NSD3: variants seen among roughly 807,000 people sequenced by gnomAD.
NSD3 encodes nuclear receptor binding SET domain protein 3.
In NSD3, 24 loss-of-function variants were observed where a neutral mutation model predicts 160.8. The ratio of observed to expected loss-of-function variants is 0.15; its 90% CI spans 0.11 to 0.21. NSD3 has a LOEUF of 0.21. Ranked by LOEUF, NSD3 falls within the 10% of genes least tolerant of loss-of-function variation. The pLI, the probability that NSD3 is intolerant of heterozygous loss-of-function variation, is 1.00. For synonymous variants in NSD3, 520 were observed against 600.0 expected (o/e 0.87, Z 1.95); for missense variants, 1,157 against 1,735.9 (o/e 0.67, Z 5.93).
chr8:38,375,834 CAG>C (rs1157257957), intron 1 of NSD3, among the ~76,000 whole-genome samples: 3 of 151,738 alleles, frequency 2.0e-5, no homozygotes, highest in East Asian at 1.9e-4. Flanking sequence ...AAACTAAAAA[CAG>C]AATTGCATTG....
In NSD3 at chr8:38,341,815, G is replaced by A. The variant is rs572700123; in HGVS notation, c.676-3208C>T. On this transcript the variant is annotated intron_variant, in intron 2 of 23. Transcript: ENST00000317025. The stretch of plus-strand genomic sequence containing the variant: ...AAAAAAGAGCCAGGCGTAGTGATGT[G>A]TACCTATATACTCCCAGCTACTCGG... Among the ~76,000 whole-genome samples the A allele has an allele frequency of 7.2e-5, 11 of 152,034 alleles. No individual in the cohort carries two copies. The South Asian group carries it at 1.7e-3, about 23-fold the overall frequency.
In NSD3 at chr8:38,381,957, C is replaced by G. The variant is rs1811592879; in HGVS notation, c.-203G>C. 1 of 152,590 alleles carries G rather than the reference C, an allele frequency of 6.6e-6. No individual in the cohort carries two copies. The highest frequency in any genetic ancestry group is 1.5e-5 in the Non-Finnish European group (1 of 68,078). The allele number at this position is 152,590 out of a possible 1,614,324, so 9.5% of individuals were successfully genotyped here. ...CATGAAATCCCCGGGCTAGATTTTC[C>G]CCGCGCCGGACGCCTCTGCCATGGC... On this transcript the variant is annotated 5_prime_UTR_variant, in exon 1 of 24. Coordinates refer to ENST00000317025, the MANE Select transcript of NSD3 (RefSeq NM_023034.2).
Position 38,275,587 on chromosome 8 carries a change from T to A in NSD3, c.*54A>T. 1 of 1,522,838 alleles carries A rather than the reference T, an allele frequency of 6.6e-7. No homozygotes were observed. The highest frequency in any genetic ancestry group is 8.9e-7 in the Non-Finnish European group (1 of 1,119,184). 94.3% of individuals were successfully genotyped at this position (1,522,838 alleles called of 1,614,324 possible). A position where few individuals can be genotyped will look rare whatever the true frequency, so the allele number is the denominator to read the frequency against. Reference sequence around the variant, plus strand: ...ACTGTAGCAGTCTCTTCTTTTTAAATGCATGATCTATTTGCTTTTTTCACT... The same window carrying A: ...ACTGTAGCAGTCTCTTCTTTTTAAAAGCATGATCTATTTGCTTTTTTCACT... On this transcript the variant is annotated 3_prime_UTR_variant, in exon 24 of 24. Coordinates refer to ENST00000317025, the MANE Select transcript of NSD3 (RefSeq NM_023034.2).
rs1259707228 is a variant in NSD3 at position 38,270,825 on chromosome 8, T to C, written c.*4816A>G. ...CATGTAAATTACTTTTACAGCCTAC[T>C]GAAGGACAGGCAATTCTCATCCCCC... On this transcript the variant is annotated 3_prime_UTR_variant, in exon 24 of 24. Transcript: ENST00000317025. 6.6e-6 allele frequency: 1 copy of C among 152,266 alleles called. No homozygotes were observed. The highest frequency in any genetic ancestry group is 1.5e-5 in the Non-Finnish European group (1 of 68,052). The allele number at this position is 152,266 out of a possible 1,614,324, so 9.4% of individuals were successfully genotyped here. A position where few individuals can be genotyped will look rare whatever the true frequency, so the allele number is the denominator to read the frequency against.
intron 1 of NSD3, among the ~76,000 whole-genome samples, chr8:38,349,475 C>T (rs899527375): frequency 9.2e-5 from 14 of 151,654 alleles, no homozygotes; most frequent in Admixed American, 3.3e-4. Flanking sequence ...TGAGTCACCA[C>T]GCCTGGCCTG....
At position 38,331,456 on chromosome 8, in the gene NSD3, G is replaced by C; in HGVS notation, c.1040C>G (p.Ala347Gly). Reference sequence around the variant, plus strand: ...CTTTTGTTTCTCAGAGTGATTGCTGGCTTGTTTGGTTGCCTCAGCCAGTAA... The same window carrying C: ...CTTTTGTTTCTCAGAGTGATTGCTGCCTTGTTTGGTTGCCTCAGCCAGTAA... ...EELLAEATKQASNHSEKQKIR... is the reference protein window; with the variant it reads ...EELLAEATKQGSNHSEKQKIR... Residue 347 changes from alanine (A) to glycine (G), a missense_variant, in exon 5 of 24, where the codon GCC (alanine) becomes GGC (glycine). Ala to Gly is a moderately conservative substitution (Grantham distance 60). Transcript: ENST00000317025. 1 of 1,605,724 alleles carries C rather than the reference G, an allele frequency of 6.2e-7. No homozygotes were observed. Among genetic ancestry groups the C allele is most frequent in the Non-Finnish European group, 8.5e-7 (1 of 1,176,380 alleles).
intron 2 of NSD3, among the ~76,000 whole-genome samples, chr8:38,341,581 C>T (rs986464902): frequency 2.2e-4 from 33 of 150,324 alleles, no homozygotes; most frequent in African/African-American, 6.6e-4. Flanking sequence ...AATCAAAGGA[C>T]GAAGAATTAG....
intron 1 of NSD3, among the ~76,000 whole-genome samples, chr8:38,360,276 T>C (rs1052732296): frequency 6.6e-6 from 1 of 152,200 alleles, no homozygotes; most frequent in African/African-American, 2.4e-5. Flanking sequence ...TGAGCCACTG[T>C]GCCAGTCCAA....
chr8:38,348,301 GT>G, intron 1 of NSD3, 86 bp from the exon 2 acceptor site: 1 of 1,043,828 alleles, frequency 9.6e-7, no homozygotes, highest in Non-Finnish European at 1.3e-6. Flanking sequence ...AAACTAAAAT[GT>G]TTTGAACTCA....
Position 38,321,388 on chromosome 8 carries a change from T to A in NSD3, c.1709-216A>T, listed in dbSNP as rs1809793382. On this transcript the variant is annotated intron_variant, in intron 7 of 23. Coordinates refer to ENST00000317025, the MANE Select transcript of NSD3 (RefSeq NM_023034.2). This position sits in a 1 kb window ranked among gnomAD's most constrained non-coding sequence, Gnocchi z 4.7. The stretch of plus-strand genomic sequence containing the variant: ...AGCTGAGACTGGGATTCACAAAGGG[T>A]CCTAAATTATACAAATAAAGGGGGA... 6.6e-6 allele frequency among the ~76,000 whole-genome samples: 1 copy of A among 152,168 alleles called. No homozygotes were observed. The highest frequency in any genetic ancestry group is 1.5e-5 in the Non-Finnish European group (1 of 68,030).
At chr8:38,326,910 G>A in intron 6 of NSD3, 54 bp from the exon 7 acceptor site, 2 of 1,590,146 alleles carry the variant, frequency 1.3e-6, no homozygotes, top group South Asian at 2.3e-5. Flanking sequence ...CCAGGCAAGT[G>A]GCATCATGGG....
chr8:38,300,861 T>A (rs1020734629), intron 14 of NSD3, among the ~76,000 whole-genome samples: 1 of 152,224 alleles, frequency 6.6e-6, no homozygotes, highest in Non-Finnish European at 1.5e-5. Context: ...TACCATTTAC[T>A]TTTTTCTGTG....
At position 38,351,503 on chromosome 8, in the gene NSD3, A is replaced by C. The variant is rs548357240; in HGVS notation, c.-44-3288T>G. Among the ~76,000 whole-genome samples the C allele has an allele frequency of 3.6e-3, 542 of 151,622 alleles. 1 individual carries two copies. The highest frequency in any genetic ancestry group is 0.024 in the Middle Eastern group (7 of 294). ...TACAGTGAAACCCCGTCTCTGCTAAAAATACAAAAATTAGCTGGGCATGCT... is the reference window on the plus strand; with the variant it reads ...TACAGTGAAACCCCGTCTCTGCTAACAATACAAAAATTAGCTGGGCATGCT... On this transcript the variant is annotated intron_variant, in intron 1 of 23. Coordinates refer to ENST00000317025, the MANE Select transcript of NSD3 (RefSeq NM_023034.2).
chr8:38,356,710 G>A (rs759973703), intron 1 of NSD3, among the ~76,000 whole-genome samples: 2 of 152,120 alleles, frequency 1.3e-5, no homozygotes, highest in Non-Finnish European at 1.5e-5. Flanking sequence ...TCTGTGGAAT[G>A]TATTGCTAGA....
chr8:38,334,829 A>C (rs1353402985), intron 4 of NSD3, among the ~76,000 whole-genome samples: 1 of 152,086 alleles, frequency 6.6e-6, no homozygotes, highest in African/African-American at 2.4e-5. Flanking sequence ...TTTTAAAACT[A>C]CTATAGAAAA....
At chr8:38,294,301 GC>G (rs1389107747) in intron 16 of NSD3, among the ~76,000 whole-genome samples, 2 of 152,094 alleles carry the variant, frequency 1.3e-5, no homozygotes, top group African/African-American at 4.8e-5. Flanking sequence ...TTGTCACGTT[GC>G]CCATGCTGGT....
In NSD3 at chr8:38,315,550, T is replaced by C. The variant is rs984140837; in HGVS notation, c.1987-6A>G. On this transcript the variant is annotated splice_polypyrimidine_tract_variant and splice_region_variant and intron_variant, in intron 10 of 23. Coordinates refer to ENST00000317025, the MANE Select transcript of NSD3 (RefSeq NM_023034.2). ...ACTTGCTTTCCAAAGCCTACCTACA[T>C]AGAAAACATAGCATTTTTAAGAAAA... 4 of 1,612,356 alleles carry C rather than the reference T, an allele frequency of 2.5e-6. No homozygotes were observed. The highest frequency in any genetic ancestry group is 2.2e-5 in the East Asian group (1 of 44,820).
chr8:38,346,169 T>TATATATGTATATATAC (rs544413517), intron 2 of NSD3, among the ~76,000 whole-genome samples: 1 of 150,352 alleles, frequency 6.7e-6, no homozygotes, highest in Middle Eastern at 3.2e-3. Context: ...CATATGTATG[T>TATATATGTATATATAC]ATATATGTAT....
At chr8:38,302,716 T>G (rs1216602597) in intron 14 of NSD3, among the ~76,000 whole-genome samples, 1 of 152,180 alleles carries the variant, frequency 6.6e-6, no homozygotes, top group African/African-American at 2.4e-5. Context: ...CTCACTGCAG[T>G]CTTGAACTCC....
Sources: allele counts gnomAD v4.1 joint callset (sites outside exome capture counted in the v4.1 genomes callset), GRCh38; gene constraint gnomAD v4.1.1; non-coding constraint Gnocchi (gnomAD v3.1); transcripts MANE v1.5; gene names NCBI Gene and HGNC (gene_info 2026-07-23, HGNC 2026-07-21).